BLZF1: variants seen among roughly 807,000 people sequenced by gnomAD.
BLZF1 encodes basic leucine zipper nuclear factor 1.
In BLZF1, 39 loss-of-function variants were observed where a neutral mutation model predicts 43.8. The observed-to-expected ratio is 0.89, with a 90% CI of 0.69 to 1.16. The LOEUF (loss-of-function observed/expected upper bound fraction) is 1.16, where lower values mean the gene tolerates loss of function less well. Among genes scored for constraint, BLZF1 ranks in the 50% most tolerant of loss-of-function variants. The probability of loss-of-function intolerance (pLI) is 0.00; values close to 1 mark genes in which losing one functional copy is unlikely to be tolerated. For synonymous variants in BLZF1, 136 were observed against 159.4 expected, an observed-to-expected ratio of 0.85 and a Z score of 1.11; for missense variants, 449 against 469.8, an observed-to-expected ratio of 0.96 and a Z score of 0.41.
At chr1:169,382,896 T>C (rs965769180) in intron 6 of BLZF1, among the ~76,000 whole-genome samples, 2 of 152,246 alleles carry the variant, frequency 1.3e-5, no homozygotes, top group African/African-American at 4.8e-5. Context: ...ACTTTTTTTC[T>C]TTCCAACTCT....
intron 6 of BLZF1, among the ~76,000 whole-genome samples, chr1:169,384,636 C>T (rs374891617): frequency 2.6e-5 from 4 of 152,144 alleles, no homozygotes; most frequent in African/African-American, 9.7e-5. Flanking sequence ...GCCATTGTAT[C>T]TCATGCCTCT....
In BLZF1 at chr1:169,376,462, A is replaced by AT. The variant is rs1430170195; in HGVS notation, c.29-77dup. The AT allele has an allele frequency of 8.2e-6, 10 of 1,214,834 alleles. No individual in the cohort carries two copies. In the African/African-American group the frequency reaches 1.6e-4, roughly 19 times the overall value. 75.3% of individuals were successfully genotyped at this position (1,214,834 alleles called of 1,614,324 possible). A position where few individuals can be genotyped will look rare whatever the true frequency, so the allele number is the denominator to read the frequency against. ...CTTTTTAGTGCCAGTAATTTTGAAT[A>AT]TAGGGTATAGCATGTATTAGCATTT... On this transcript the variant is annotated intron_variant, in intron 2 of 6. Transcript: ENST00000367808.
intron 5 of BLZF1, among the ~76,000 whole-genome samples, chr1:169,380,906 C>T (rs1472020419): frequency 1.3e-5 from 2 of 151,994 alleles, no homozygotes; most frequent in South Asian, 2.1e-4. Flanking sequence ...GTACAGTTTT[C>T]GGTAGAAGCC....
chr1:169,369,614 G>C, intron 2 of BLZF1, 64 bp downstream of exon 2: 1 of 1,305,866 alleles, frequency 7.7e-7, no homozygotes, highest in East Asian at 2.4e-5. Flanking sequence ...AGGAACGTTT[G>C]AGCCAGATAA....
At chr1:169,391,428 T>C (rs1268388638), downstream of BLZF1, among the ~76,000 whole-genome samples, 1 of 152,158 alleles carries the variant, frequency 6.6e-6, no homozygotes, top group Non-Finnish European at 1.5e-5. Context: ...CACTGGCCAC[T>C]GAATGCAGCA....
chr1:169,395,184 C>G (rs758071038), intron 7 of BLZF1: 18 of 1,611,690 alleles, frequency 1.1e-5, no homozygotes, highest in Non-Finnish European at 5.1e-6. Context: ...GCCATTTTTT[C>G]CATCCGTTTC....
Position 169,370,432 on chromosome 1 carries a change from C to T in BLZF1, c.28+882C>T, listed in dbSNP as rs144519672. Among the ~76,000 whole-genome samples, 518 of 152,292 alleles carry T rather than the reference C, an allele frequency of 3.4e-3. 6 individuals carry two copies. The highest frequency in any genetic ancestry group is 4.8e-3 in the Non-Finnish European group (328 of 68,024). On this transcript the variant is annotated intron_variant, in intron 2 of 6. Coordinates refer to ENST00000367808, the MANE Select transcript of BLZF1 (RefSeq NM_001320973.2). ...CTCTCTAATATTTAATACTGTTGAC[C>T]ATTCCCTGCCTTTTGAGATACGTTC...
chr1:169,395,444 C>T (rs1180179929), intron 7 of BLZF1, among the ~76,000 whole-genome samples: 1 of 152,096 alleles, frequency 6.6e-6, no homozygotes, highest in East Asian at 1.9e-4. Flanking sequence ...ATGAAACTGC[C>T]AACTTAATTG....
At chr1:169,383,044 T>A (rs745371581) in intron 6 of BLZF1, among the ~76,000 whole-genome samples, 2 of 152,194 alleles carry the variant, frequency 1.3e-5, no homozygotes, top group African/African-American at 2.4e-5. Flanking sequence ...TTTCCTAGAC[T>A]CTATTCATAA....
At chr1:169,392,361 A>G (rs964139079), downstream of BLZF1, among the ~76,000 whole-genome samples, 1 of 152,244 alleles carries the variant, frequency 6.6e-6, no homozygotes, top group African/African-American at 2.4e-5. Context: ...ACAGTGGTCT[A>G]AACAGTGGGC....
chr1:169,369,583 A>T, intron 2 of BLZF1, 33 bp downstream of exon 2: 1 of 1,512,652 alleles, frequency 6.6e-7, no homozygotes, highest in Non-Finnish European at 9.2e-7. Flanking sequence ...TTTTTAAAAC[A>T]TGACATTTAT....
At chr1:169,392,315 C>T (rs57339033), downstream of BLZF1, among the ~76,000 whole-genome samples, 4,463 of 152,264 alleles carry the variant, frequency 0.029, 185 homozygotes, top group African/African-American at 0.1. Context: ...AGTTGGAGGA[C>T]TGACACTTCC....
chr1:169,378,577 C>A, intron 4 of BLZF1, 48 bp downstream of exon 4: 1 of 1,576,234 alleles, frequency 6.3e-7, no homozygotes, highest in Non-Finnish European at 8.7e-7. Flanking sequence ...TTTGCTCCAT[C>A]AGGTTTTTGA....
chr1:169,395,204 C>T (rs778487132), intron 7 of BLZF1: 3 of 1,609,742 alleles, frequency 1.9e-6, no homozygotes, highest in South Asian at 2.2e-5. Flanking sequence ...CCTTCTTAAC[C>T]ATCTGTAGAA....
At chr1:169,390,763 A>G (rs548303043), downstream of BLZF1, among the ~76,000 whole-genome samples, 1 of 152,336 alleles carries the variant, frequency 6.6e-6, no homozygotes, top group African/African-American at 2.4e-5. Context: ...TAAAAAACCC[A>G]GAGTAGCTTC....
At chr1:169,393,913 TTTTAAAC>T (rs1243401228) in intron 7 of BLZF1, among the ~76,000 whole-genome samples, 1 of 152,192 alleles carries the variant, frequency 6.6e-6, no homozygotes, top group Non-Finnish European at 1.5e-5. Flanking sequence ...GAAGTTTGTC[TTTTAAAC>T]TTTGCCAGAA....
chr1:169,385,275 T>C (rs1371625792), intron 6 of BLZF1, among the ~76,000 whole-genome samples: 1 of 152,202 alleles, frequency 6.6e-6, no homozygotes, highest in Non-Finnish European at 1.5e-5. Flanking sequence ...TCTTCCTTAG[T>C]GTCTCTTAAA....
chr1:169,374,244 G>A (rs1654219136), intron 2 of BLZF1, among the ~76,000 whole-genome samples: 3 of 151,610 alleles, frequency 2.0e-5, no homozygotes, highest in Admixed American at 6.6e-5. Flanking sequence ...AAAATTATTT[G>A]GTCATGGTGG....
chr1:169,393,042 G>T (rs903294139), downstream of BLZF1, among the ~76,000 whole-genome samples: 15 of 152,156 alleles, frequency 9.9e-5, no homozygotes, highest in African/African-American at 3.4e-4. Flanking sequence ...ATTTGCAATT[G>T]ATGTCTGAAG....
Sources: allele counts gnomAD v4.1 joint callset (sites outside exome capture counted in the v4.1 genomes callset), GRCh38; gene constraint gnomAD v4.1.1; transcripts MANE v1.5; gene names NCBI Gene and HGNC (gene_info 2026-07-23, HGNC 2026-07-21).